Variants in MYLK observed in about 807,000 individuals in gnomAD.
MYLK encodes the protein myosin light chain kinase.
MYLK carries 106 observed loss-of-function variants against 203.4 expected under a neutral mutation model. The observed-to-expected ratio is 0.52, with a 90% CI of 0.45 to 0.61. The LOEUF (loss-of-function observed/expected upper bound fraction) is 0.61. Among genes scored for constraint, MYLK ranks in the 20% least tolerant of loss-of-function variants. The pLI, the probability that MYLK is intolerant of heterozygous loss-of-function variation, is 0.00. For missense variants in MYLK, 2,072 were observed against 2,442.3 expected (o/e 0.85, Z 3.20); for synonymous variants, 867 against 959.5 (o/e 0.90, Z 1.78).
At chr3:123,824,131 C>T (rs1451627519) in intron 3 of MYLK, among the ~76,000 whole-genome samples, 1 of 151,712 alleles carries the variant, frequency 6.6e-6, no homozygotes, top group Non-Finnish European at 1.5e-5. Context: ...CTCTTGTCCC[C>T]CAGGCTGGAG....
chr3:123,620,374 C>T (rs761547459), intron 31 of MYLK, 38 bp from the exon 32 acceptor site: 1 of 1,613,572 alleles, frequency 6.2e-7, no homozygotes, highest in South Asian at 1.1e-5. Context: ...CAGGCGTTGT[C>T]CCTGGTTCCA....
chr3:123,812,887 A>G (rs2065609937), intron 3 of MYLK, among the ~76,000 whole-genome samples: 1 of 152,200 alleles, frequency 6.6e-6, no homozygotes, highest in South Asian at 2.1e-4. Flanking sequence ...TCAGGGTCAC[A>G]CCAATTCTCC....
At chr3:123,864,544 G>C (rs2032179263) in intron 2 of MYLK, among the ~76,000 whole-genome samples, 2 of 152,154 alleles carry the variant, frequency 1.3e-5, no homozygotes, top group Non-Finnish European at 1.5e-5. Context: ...TTAGAATCTA[G>C]GTGGAGGGAA....
chr3:123,714,761 C>T (rs1426524807), intron 13 of MYLK, among the ~76,000 whole-genome samples: 1 of 152,172 alleles, frequency 6.6e-6, no homozygotes, highest in African/African-American at 2.4e-5. Context: ...ATCTGTTGCT[C>T]TGTTACTTGG....
chr3:123,705,665 C>T (rs1042101149), intron 16 of MYLK, among the ~76,000 whole-genome samples: 29 of 152,266 alleles, frequency 1.9e-4, no homozygotes, highest in African/African-American at 5.8e-4. Flanking sequence ...GTCTGCCTGC[C>T]GACCTCCTGG....
intron 16 of MYLK, among the ~76,000 whole-genome samples, chr3:123,702,888 T>C (rs2061302051): frequency 6.6e-6 from 1 of 152,138 alleles, no homozygotes; most frequent in Non-Finnish European, 1.5e-5. Flanking sequence ...AGCTTGCTAG[T>C]GGAGGGAGGG....
chr3:123,619,125 G>A (rs1335890522), intron 32 of MYLK, among the ~76,000 whole-genome samples: 1 of 152,236 alleles, frequency 6.6e-6, no homozygotes, highest in Non-Finnish European at 1.5e-5. Context: ...AGCCTTCCTA[G>A]TCTTGGTATC....
At chr3:123,871,417 C>T (rs1560306483) in intron 2 of MYLK, among the ~76,000 whole-genome samples, 2 of 152,272 alleles carry the variant, frequency 1.3e-5, no homozygotes, top group East Asian at 3.9e-4. Context: ...ATAAAATTCA[C>T]AAACTGCTAG....
chr3:123,782,845 G>C (rs1315724420), intron 4 of MYLK, among the ~76,000 whole-genome samples: 2 of 152,160 alleles, frequency 1.3e-5, no homozygotes, highest in African/African-American at 4.8e-5. Flanking sequence ...TAAAAACACA[G>C]ACACTTAAAG....
intron 19 of MYLK, among the ~76,000 whole-genome samples, chr3:123,687,897 C>T (rs1019972528): frequency 6.6e-6 from 1 of 152,150 alleles, no homozygotes; most frequent in Admixed American, 6.5e-5. Flanking sequence ...ATATTGAACT[C>T]CTGGCTCAAG....
chr3:123,686,776 A>G (rs1054931580), intron 19 of MYLK, among the ~76,000 whole-genome samples: 1 of 152,150 alleles, frequency 6.6e-6, no homozygotes, highest in Admixed American at 6.6e-5. Flanking sequence ...TTTACTGGGT[A>G]TTGACTCCAT....
At chr3:123,626,741 C>A in intron 31 of MYLK, 77 bp downstream of exon 31, 1 of 1,607,460 alleles carries the variant, frequency 6.2e-7, no homozygotes, top group South Asian at 1.1e-5. Flanking sequence ...GAGGCCAGGG[C>A]AAGCTGGGAA....
chr3:123,664,192 C>T lies in MYLK; in HGVS notation c.3898G>A (p.Ala1300Thr), dbSNP rs149530842. ...ENGSKLTILAARQEHCGCYTL... is the reference protein window; with the variant it reads ...ENGSKLTILATRQEHCGCYTL... ...TAGCAGCCGCAGTGCTCCTGGCGCG[C>T]GGCCAGGATGGTGAGCTTGCTGCCA... The change falls in exon 23 of 34, where the codon GCG (alanine) becomes ACG (threonine). Residue 1300 changes from alanine to threonine, a missense_variant. Ala to Thr is a moderately conservative substitution (Grantham distance 58). Around this residue, in one of 3 missense-constraint regions of MYLK, gnomAD observed 865 missense variants for 1,016.0 expected, o/e 0.85. Coordinates refer to ENST00000360304, the MANE Select transcript of MYLK (RefSeq NM_053025.4). 469 of 1,614,154 alleles carry T rather than the reference C, an allele frequency of 2.9e-4. No individual in the cohort carries two copies. The highest frequency in any genetic ancestry group is 2.5e-3 in the Middle Eastern group (15 of 6,062).
In MYLK at chr3:123,793,760, G is replaced by A. The variant is rs1398096300; in HGVS notation, c.82C>T (p.Pro28Ser). ...SVDPSRVDSM[P>S]LTEAPAFILP... ...ATGAAAGCAGGGGCCTCTGTCAGGG[G>A]CATGGAGTCAACTCTTGAGGGATCC... The change falls in exon 4 of 34, where the codon CCC becomes TCC. Residue 28 changes from proline (P) to serine (S), a missense_variant. This residue lies in a region of MYLK where 683 missense variants were observed against 643.8 expected (regional missense o/e 1.06). Coordinates refer to ENST00000360304, the MANE Select transcript of MYLK (RefSeq NM_053025.4). 6.2e-7 allele frequency: 1 copy of A among 1,613,938 alleles called. No individual in the cohort carries two copies. Among genetic ancestry groups the A allele is most frequent in the Middle Eastern group, 1.6e-4 (1 of 6,062 alleles).
chr3:123,755,529 AT>A (rs1450476925), intron 4 of MYLK, among the ~76,000 whole-genome samples: 1 of 152,200 alleles, frequency 6.6e-6, no homozygotes, highest in Non-Finnish European at 1.5e-5. Context: ...AAAGGCAGGA[AT>A]TTTTGTGACC....
chr3:123,647,448 A>T, intron 26 of MYLK, 21 bp from the exon 27 acceptor site: 1 of 1,611,524 alleles, frequency 6.2e-7, no homozygotes, highest in Non-Finnish European at 8.5e-7. Flanking sequence ...AAGGGGGAGG[A>T]GAGAAAAGCC....
At chr3:123,828,271 G>C (rs1560269611) in intron 3 of MYLK, among the ~76,000 whole-genome samples, 1 of 151,968 alleles carries the variant, frequency 6.6e-6, no homozygotes, top group Non-Finnish European at 1.5e-5. Flanking sequence ...TAGACCAACG[G>C]AACAAATAGA....
At chr3:123,846,588 G>A (rs1272607885) in intron 2 of MYLK, among the ~76,000 whole-genome samples, 1 of 151,988 alleles carries the variant, frequency 6.6e-6, no homozygotes, top group Non-Finnish European at 1.5e-5. Context: ...GAAATTCCTG[G>A]GTGTAAAGGG....
At chr3:123,715,798 A>G (rs2061871422) in intron 13 of MYLK, 2 of 152,090 alleles carry the variant, frequency 1.3e-5, no homozygotes, top group South Asian at 4.1e-4. Flanking sequence ...CCGTTGTTTT[A>G]GTAGGAAAAA....
Sources: allele counts gnomAD v4.1 joint callset (sites outside exome capture counted in the v4.1 genomes callset), GRCh38; gene constraint gnomAD v4.1.1; regional missense constraint gnomAD v4.1.1; transcripts MANE v1.5; gene names NCBI Gene and HGNC (gene_info 2026-07-23, HGNC 2026-07-21).